KIF13B: variants seen among roughly 807,000 people sequenced by gnomAD.
KIF13B encodes kinesin family member 13B.
In KIF13B, 127 loss-of-function variants were observed where a neutral mutation model predicts 222.0. The ratio of observed to expected loss-of-function variants is 0.57; its 90% confidence interval spans 0.50 to 0.66. The LOEUF (loss-of-function observed/expected upper bound fraction) is 0.66. Ranked by LOEUF, KIF13B falls within the 30% of genes least tolerant of loss-of-function variation. The pLI, the probability that KIF13B is intolerant of heterozygous loss-of-function variation, is 0.00. For missense variants in KIF13B, 2,173 were observed against 2,379.0 expected (o/e 0.91, Z 1.80); for synonymous variants, 976 against 919.0 (o/e 1.06, Z -1.12).
chr8:29,144,387 A>G (rs1171368288), intron 18 of KIF13B, among the ~76,000 whole-genome samples: 1 of 152,008 alleles, frequency 6.6e-6, no homozygotes, highest in Non-Finnish European at 1.5e-5. Flanking sequence ...CCCCCCAAGC[A>G]GCTGGGATTA....
intron 24 of KIF13B, 103 bp downstream of exon 24, chr8:29,130,430 G>T: frequency 8.5e-7 from 1 of 1,170,230 alleles, no homozygotes; most frequent in Non-Finnish European, 1.3e-6. Context: ...AATGGACTTG[G>T]CCAGTCTAGA....
At chr8:29,250,655 C>T (rs1201486355) in intron 1 of KIF13B, among the ~76,000 whole-genome samples, 1 of 152,110 alleles carries the variant, frequency 6.6e-6, no homozygotes, top group Admixed American at 6.5e-5. Context: ...CCACCCCAAC[C>T]CTGTCGATTG....
At chr8:29,239,387 G>A (rs554486558) in intron 2 of KIF13B, among the ~76,000 whole-genome samples, 3 of 152,256 alleles carry the variant, frequency 2.0e-5, no homozygotes, top group East Asian at 1.9e-4. Context: ...AAGACAAGAG[G>A]GGAAAGCCTA....
At chr8:29,230,876 G>GT (rs370043737) in intron 2 of KIF13B, among the ~76,000 whole-genome samples, 120 of 152,136 alleles carry the variant, frequency 7.9e-4, no homozygotes, top group African/African-American at 2.7e-3. Context: ...CTAATATTTT[G>GT]TTTTTTGTTT....
intron 2 of KIF13B, among the ~76,000 whole-genome samples, chr8:29,231,230 C>T (rs117559425): frequency 0.019 from 2,898 of 152,252 alleles, 42 homozygotes; most frequent in Non-Finnish European, 0.027. Flanking sequence ...TTTTAAGCAT[C>T]CTTCATGATG....
At chr8:29,190,131 C>T (rs574654684) in intron 4 of KIF13B, 68 of 152,340 alleles carry the variant, frequency 4.5e-4, no homozygotes, top group African/African-American at 1.5e-3. Context: ...CTCCTGCCCT[C>T]CTTTTACCTG....
At chr8:29,210,989 G>T (rs528100181) in intron 2 of KIF13B, among the ~76,000 whole-genome samples, 1 of 152,318 alleles carries the variant, frequency 6.6e-6, no homozygotes, top group East Asian at 1.9e-4. Flanking sequence ...GAGGGAGTGG[G>T]GGCTAAAGAG....
Position 29,092,775 on chromosome 8 carries a change from C to A in KIF13B, c.4428G>T (p.Arg1476Ser), listed in dbSNP as rs1226022474. The stretch of plus-strand genomic sequence containing the variant: ...GTGCGAGGGGAGACGGCCGCTTGCC[C>A]CTCTTCTCATCGCGGACGGGAAAGA... ...KSLFPVRDEK[R>S]GKRPSPLAHQ... The change falls in exon 37 of 40, where the codon AGG becomes AGT. Residue 1476 changes from arginine to serine, a missense_variant. Arg to Ser is a moderately radical substitution (Grantham distance 110). This residue lies in a region of KIF13B where 693 missense variants were observed against 656.2 expected (regional missense o/e 1.06). Transcript: ENST00000524189. 3 of 1,613,416 alleles carry A rather than the reference C, an allele frequency of 1.9e-6. No homozygotes were observed. Among genetic ancestry groups the A allele is most frequent in the Non-Finnish European group, 2.5e-6 (3 of 1,179,726 alleles).
Position 29,103,241 on chromosome 8 carries a change from C to CAA in KIF13B, c.4216-4002_4216-4001dup, listed in dbSNP as rs55959844. ...TGGGCGAAAGAGTGAGACTCTGTCT[C>CAA]AAAAAAAAAAAAAAAAAACAAGTAA... On this transcript the variant is annotated intron_variant, in intron 35 of 39. Transcript: ENST00000524189. Among the ~76,000 whole-genome samples, 27 of 83,572 alleles carry CAA rather than the reference C, an allele frequency of 3.2e-4. No homozygotes were observed. The East Asian group carries it at 4.2e-3, about 13-fold the overall frequency. The allele number at this position is 83,572 out of a possible 152,430, so 54.8% of individuals were successfully genotyped here. A position where few individuals can be genotyped will look rare whatever the true frequency, so the allele number is the denominator to read the frequency against.
intron 2 of KIF13B, among the ~76,000 whole-genome samples, chr8:29,240,509 T>TA (rs1815727228): frequency 6.6e-6 from 1 of 152,246 alleles, no homozygotes; most frequent in African/African-American, 2.4e-5. Context: ...AAGGATTTGT[T>TA]AAACTGATAG....
chr8:29,153,914 T>C (rs1406663677), intron 14 of KIF13B, among the ~76,000 whole-genome samples: 1 of 149,278 alleles, frequency 6.7e-6, no homozygotes. Context: ...CTATGGAGCA[T>C]TTACCTGGTG....
At chr8:29,108,440 G>A (rs142564862) in intron 34 of KIF13B, among the ~76,000 whole-genome samples, 28 of 152,312 alleles carry the variant, frequency 1.8e-4, no homozygotes, top group African/African-American at 6.3e-4. Context: ...GGTCACAACC[G>A]GCTGGACCTG....
intron 24 of KIF13B, 34 bp from the exon 25 acceptor site, chr8:29,127,302 G>A: frequency 6.3e-7 from 1 of 1,592,162 alleles, no homozygotes; most frequent in Non-Finnish European, 8.6e-7. Flanking sequence ...CTTAAAATCA[G>A]TGTCTTGATT....
intron 35 of KIF13B, among the ~76,000 whole-genome samples, chr8:29,107,769 C>T (rs1809156810): frequency 1.3e-5 from 2 of 151,978 alleles, no homozygotes; most frequent in Non-Finnish European, 2.9e-5. Flanking sequence ...ACCGTGTTAG[C>T]CAGGATGGTC....
In KIF13B at chr8:29,105,639, G is replaced by C. The variant is rs112984978; in HGVS notation, c.4215+2500C>G. ...CCATTTAAAATAAGGAAACTGGGCA[G>C]AGTTTGTTTGGTTTTTTTTTTTTTT... On this transcript the variant is annotated intron_variant, in intron 35 of 39. Transcript: ENST00000524189. Among the ~76,000 whole-genome samples, 743 of 134,214 alleles carry C rather than the reference G, an allele frequency of 5.5e-3. 4 individuals are homozygous for C. Among genetic ancestry groups the C allele is most frequent in the African/African-American group, 0.019 (654 of 35,194 alleles). The allele number at this position is 134,214 out of a possible 152,430, so 88.0% of individuals were successfully genotyped here. A position where few individuals can be genotyped will look rare whatever the true frequency, so the allele number is the denominator to read the frequency against.
At chr8:29,160,410 C>T (rs982342225) in intron 13 of KIF13B, among the ~76,000 whole-genome samples, 3 of 152,112 alleles carry the variant, frequency 2.0e-5, no homozygotes, top group Non-Finnish European at 2.9e-5. Context: ...TAAAAGCTTT[C>T]GTATACTTAC....
intron 10 of KIF13B, among the ~76,000 whole-genome samples, chr8:29,175,677 A>G (rs1812445071): frequency 6.6e-6 from 1 of 152,224 alleles, no homozygotes; most frequent in South Asian, 2.1e-4. Flanking sequence ...CAAGCTCCAA[A>G]ATGTTAGCCC....
intron 2 of KIF13B, among the ~76,000 whole-genome samples, chr8:29,218,741 G>A (rs1814606105): frequency 6.6e-6 from 1 of 152,150 alleles, no homozygotes; most frequent in Non-Finnish European, 1.5e-5. Context: ...ACAAAAACGT[G>A]GTATACTCTG....
At chr8:29,136,708 A>G (rs948745605) in intron 21 of KIF13B, among the ~76,000 whole-genome samples, 1 of 151,714 alleles carries the variant, frequency 6.6e-6, no homozygotes, top group Non-Finnish European at 1.5e-5. Context: ...CCTAGGTGAA[A>G]TGGGAATATC....
Sources: allele counts gnomAD v4.1 joint callset (sites outside exome capture counted in the v4.1 genomes callset), GRCh38; gene constraint gnomAD v4.1.1; regional missense constraint gnomAD v4.1.1; transcripts MANE v1.5; gene names NCBI Gene and HGNC (gene_info 2026-07-23, HGNC 2026-07-21).